The following SLC9A9 variants were observed in gnomAD, a reference collection of about 807,000 sequenced individuals.
The protein encoded by SLC9A9 is sodium/hydrogen exchanger 9.
A neutral mutation model predicts 77.8 loss-of-function variants in SLC9A9; 62 were observed. That is an observed-to-expected ratio of 0.80 (90% confidence interval 0.65 to 0.98). The LOEUF is 0.98. SLC9A9 is among the 50% of genes least tolerant of loss of function. SLC9A9 has a pLI of 0.00. For synonymous variants in SLC9A9, 320 were observed against 283.5 expected (o/e 1.13, Z -1.29); for missense variants, 775 against 774.9 (o/e 1.00, Z 0.00).
chr3:143,695,555 G>A (rs1389292263), intron 4 of SLC9A9, among the ~76,000 whole-genome samples: 2 of 152,132 alleles, frequency 1.3e-5, no homozygotes, highest in African/African-American at 4.8e-5. Context: ...TGGTGTATAT[G>A]TGCCACATTT....
chr3:143,584,267 A>C (rs1406171601), intron 6 of SLC9A9, among the ~76,000 whole-genome samples: 1 of 151,900 alleles, frequency 6.6e-6, no homozygotes, highest in African/African-American at 2.4e-5. Flanking sequence ...CCGCACAGTT[A>C]CCCACAGAAA....
intron 4 of SLC9A9, among the ~76,000 whole-genome samples, chr3:143,700,738 A>T (rs970749501): frequency 6.6e-6 from 1 of 152,240 alleles, no homozygotes; most frequent in Non-Finnish European, 1.5e-5. Flanking sequence ...GCTTAGGGGA[A>T]CTTGCCACCT....
At chr3:143,717,097 G>T (rs1934376900) in intron 4 of SLC9A9, among the ~76,000 whole-genome samples, 1 of 152,188 alleles carries the variant, frequency 6.6e-6, no homozygotes, top group Non-Finnish European at 1.5e-5. Flanking sequence ...AACCCCTTCT[G>T]GGATATAAGG....
At chr3:143,341,280 G>A (rs544714671) in intron 14 of SLC9A9, among the ~76,000 whole-genome samples, 34 of 152,206 alleles carry the variant, frequency 2.2e-4, no homozygotes, top group African/African-American at 7.5e-4. Flanking sequence ...TTTTGGTCTT[G>A]AGAATATATA....
intron 1 of SLC9A9, among the ~76,000 whole-genome samples, chr3:143,834,557 G>A (rs370012210): frequency 6.9e-6 from 1 of 145,234 alleles, no homozygotes; most frequent in Admixed American, 7.5e-5. Context: ...GTAATTCCTA[G>A]TGGGCGAGGC....
At chr3:143,821,507 A>T (rs563306359) in intron 2 of SLC9A9, among the ~76,000 whole-genome samples, 16 of 152,312 alleles carry the variant, frequency 1.1e-4, no homozygotes, top group African/African-American at 3.8e-4. Flanking sequence ...CTAACAGTAA[A>T]ATTTCAAGAC....
At chr3:143,613,537 T>A (rs2038052932) in intron 6 of SLC9A9, among the ~76,000 whole-genome samples, 1 of 152,232 alleles carries the variant, frequency 6.6e-6, no homozygotes, top group Non-Finnish European at 1.5e-5. Flanking sequence ...TCTTACATTT[T>A]AAAAATAATC....
intron 6 of SLC9A9, among the ~76,000 whole-genome samples, chr3:143,636,103 A>C (rs1235829677): frequency 6.6e-6 from 1 of 152,190 alleles, no homozygotes; most frequent in East Asian, 1.9e-4. Context: ...TACTTGTGGG[A>C]GAATTGGCTT....
intron 12 of SLC9A9, among the ~76,000 whole-genome samples, chr3:143,453,819 T>C (rs1012414638): frequency 1.3e-5 from 2 of 152,164 alleles, no homozygotes; most frequent in Admixed American, 1.3e-4. Context: ...GTTTGAATGT[T>C]TTTTGTCCCC....
intron 4 of SLC9A9, among the ~76,000 whole-genome samples, chr3:143,711,679 C>A (rs114040011): frequency 4.0e-5 from 6 of 151,876 alleles, no homozygotes; most frequent in African/African-American, 1.4e-4. Context: ...GGCCTCCTGG[C>A]CTCCCAAAGT....
chr3:143,381,748 A>G (rs1354636060), intron 13 of SLC9A9, among the ~76,000 whole-genome samples: 2 of 152,234 alleles, frequency 1.3e-5, no homozygotes, highest in Non-Finnish European at 2.9e-5. Context: ...TTGGCTAGCT[A>G]GCAAGTTGCT....
intron 4 of SLC9A9, among the ~76,000 whole-genome samples, chr3:143,761,468 T>G (rs2007119933): frequency 6.6e-6 from 1 of 152,026 alleles, no homozygotes; most frequent in Non-Finnish European, 1.5e-5. Flanking sequence ...ATATCCAGAA[T>G]CTACAATGAA....
intron 5 of SLC9A9, among the ~76,000 whole-genome samples, chr3:143,679,498 G>A (rs1415020169): frequency 6.6e-6 from 1 of 152,156 alleles, no homozygotes; most frequent in African/African-American, 2.4e-5. Context: ...GTTGGGGGCC[G>A]TCTAGTGCGT....
chr3:143,794,040 C>A (rs2008298430), intron 4 of SLC9A9, among the ~76,000 whole-genome samples: 1 of 152,176 alleles, frequency 6.6e-6, no homozygotes, highest in South Asian at 2.1e-4. Context: ...CATGGCCTGA[C>A]TTGTTCTAGG....
At chr3:143,543,158 C>A (rs2036715017) in intron 9 of SLC9A9, among the ~76,000 whole-genome samples, 1 of 152,192 alleles carries the variant, frequency 6.6e-6, no homozygotes, top group South Asian at 2.1e-4. Flanking sequence ...AAAGGCTTAA[C>A]CAATTATTAC....
Position 143,835,510 on chromosome 3 carries a change from C to T in SLC9A9, c.176-3289G>A, listed in dbSNP as rs113227495. ...CCTCATAATGCTTTTTATAGTGAAA[C>T]ATCGACTCAGTGTTTTAGCCATATG... On this transcript the variant is annotated intron_variant, in intron 1 of 15. Coordinates refer to ENST00000316549, the MANE Select transcript of SLC9A9 (RefSeq NM_173653.4). 5.5e-3 allele frequency among the ~76,000 whole-genome samples: 836 copies of T among 152,320 alleles called. 4 individuals carry two copies. Among genetic ancestry groups the T allele is most frequent in the Non-Finnish European group, 9.6e-3 (650 of 68,034 alleles).
intron 6 of SLC9A9, among the ~76,000 whole-genome samples, chr3:143,623,496 A>G (rs1401826118): frequency 6.6e-6 from 1 of 152,204 alleles, no homozygotes; most frequent in Non-Finnish European, 1.5e-5. Flanking sequence ...AAACTGAACA[A>G]CCTGCTCCTG....
intron 4 of SLC9A9, among the ~76,000 whole-genome samples, chr3:143,749,070 T>C (rs1935272921): frequency 1.3e-5 from 2 of 152,168 alleles, no homozygotes; most frequent in Non-Finnish European, 2.9e-5. Context: ...TCATGAATAA[T>C]ACTAATAAAG....
At chr3:143,363,042 T>C (rs2032794102) in intron 14 of SLC9A9, among the ~76,000 whole-genome samples, 1 of 152,154 alleles carries the variant, frequency 6.6e-6, no homozygotes, top group Non-Finnish European at 1.5e-5. Flanking sequence ...TTTTACAGCA[T>C]GAAACAAAAA....
Sources: allele counts gnomAD v4.1 joint callset (sites outside exome capture counted in the v4.1 genomes callset), GRCh38; gene constraint gnomAD v4.1.1; transcripts MANE v1.5; gene names NCBI Gene and HGNC (gene_info 2026-07-23, HGNC 2026-07-21).